ZNF652: variants seen among roughly 807,000 people sequenced by gnomAD.
ZNF652 encodes the protein zinc finger protein 652.
Under a neutral mutation model 45.2 loss-of-function variants are expected in ZNF652, and 16 were observed. The ratio of observed to expected loss-of-function variants is 0.35; its 90% CI spans 0.24 to 0.54. ZNF652 has a LOEUF of 0.54. Among genes scored for constraint, ZNF652 ranks in the 20% least tolerant of loss-of-function variants. ZNF652 has a pLI of 0.91. For synonymous variants in ZNF652, 250 were observed against 260.6 expected (o/e 0.96, Z 0.39); for missense variants, 614 against 765.6 (o/e 0.80, Z 2.34).
intron 1 of ZNF652, among the ~76,000 whole-genome samples, chr17:49,331,156 C>T (rs1283675028): frequency 2.9e-5 from 4 of 138,510 alleles, no homozygotes; most frequent in African/African-American, 1.1e-4. Context: ...GAGTCTCGCT[C>T]TGTCACCCAG....
rs767147792 is a variant in ZNF652 at position 49,298,869 on chromosome 17, G to A, written c.1365C>T (p.Asn455=). The A allele has an allele frequency of 6.2e-7, 1 of 1,613,620 alleles. No homozygotes were observed. Among genetic ancestry groups the A allele is most frequent in the Non-Finnish European group, 8.5e-7 (1 of 1,179,828 alleles). Residue 455 remains asparagine (N), a synonymous_variant, in exon 6 of 6, where the codon AAC becomes AAT. Transcript: ENST00000430262. Reference sequence around the variant, plus strand: ...TGTGAGTTCTGCGGTGTCTCTTCATGTTGGGGCGGCTGGTGAAGCTTTTGC... The same window carrying A: ...TGTGAGTTCTGCGGTGTCTCTTCATATTGGGGCGGCTGGTGAAGCTTTTGC... ...ICGKSFTSRP[N]MKRHRRTHTG... is the part of the protein sequence containing the mutation.
In ZNF652 at chr17:49,327,726, AATAAATATATATATATATAT is replaced by A. The variant is rs1567690275; in HGVS notation, c.-258-9763_-258-9744del. Reference sequence around the variant, plus strand: ...GAGACCTCGTGTCTACTTTTAAATAAATAAATATATATATATATATATATATATATATATATATATATATA... The same window carrying A: ...GAGACCTCGTGTCTACTTTTAAATAAATATATATATATATATATATATATA... On this transcript the variant is annotated intron_variant, in intron 1 of 5. Transcript: ENST00000430262. Among the ~76,000 whole-genome samples, 167 of 76,014 alleles carry A rather than the reference AATAAATATATATATATATAT, an allele frequency of 2.2e-3. 5 individuals are homozygous for A. The highest frequency in any genetic ancestry group is 3.0e-3 in the South Asian group (5 of 1,674). The allele number at this position is 76,014 out of a possible 152,430, so 49.9% of individuals were successfully genotyped here. A position where few individuals can be genotyped will look rare whatever the true frequency, so the allele number is the denominator to read the frequency against.
intron 1 of ZNF652, among the ~76,000 whole-genome samples, chr17:49,347,930 A>G (rs1001771755): frequency 6.6e-6 from 1 of 151,708 alleles, no homozygotes; most frequent in Admixed American, 6.6e-5. Context: ...TTTTTTGTAG[A>G]GATGGGGATC....
intron 2 of ZNF652, among the ~76,000 whole-genome samples, chr17:49,314,267 T>C (rs953767968): frequency 6.6e-6 from 1 of 151,730 alleles, no homozygotes; most frequent in Admixed American, 6.6e-5. Context: ...GTTCAAGCAA[T>C]TCTCCTGCCT....
At chr17:49,331,845 T>C (rs2070028403) in intron 1 of ZNF652, among the ~76,000 whole-genome samples, 1 of 152,190 alleles carries the variant, frequency 6.6e-6, no homozygotes, top group African/African-American at 2.4e-5. Flanking sequence ...AGTGCATGCC[T>C]GTAGTCCCAG....
rs1245282626 is a variant in ZNF652 at position 49,293,670 on chromosome 17, A to G, written c.*4743T>C. 5.0e-5 allele frequency among the ~76,000 whole-genome samples: 7 copies of G among 138,782 alleles called. No homozygotes were observed. The allele number at this position is 138,782 out of a possible 152,430, so 91.0% of individuals were successfully genotyped here. A position where few individuals can be genotyped will look rare whatever the true frequency, so the allele number is the denominator to read the frequency against. On this transcript the variant is annotated 3_prime_UTR_variant, in exon 6 of 6. Coordinates refer to ENST00000430262, the MANE Select transcript of ZNF652 (RefSeq NM_001145365.3). ...CTTTCATTCCTAAAAAAAAAAAAAAAAAAAAAAAAAAAAAACTCTTAAGTA... is the reference window on the plus strand; with the variant it reads ...CTTTCATTCCTAAAAAAAAAAAAAAGAAAAAAAAAAAAAAACTCTTAAGTA...
Position 49,293,795 on chromosome 17 carries a change from C to A in ZNF652, c.*4618G>T, listed in dbSNP as rs1293946752. 6.7e-6 allele frequency among the ~76,000 whole-genome samples: 1 copy of A among 150,016 alleles called. No homozygotes were observed. Among genetic ancestry groups the A allele is most frequent in the African/African-American group, 2.5e-5 (1 of 40,648 alleles). On this transcript the variant is annotated 3_prime_UTR_variant, in exon 6 of 6. Coordinates refer to ENST00000430262, the MANE Select transcript of ZNF652 (RefSeq NM_001145365.3). Reference sequence around the variant, plus strand: ...TCCAAATGAGTTGATTTTTTTAAAACAGTAATTAGCTGATACAATTCTTAA... The same window carrying A: ...TCCAAATGAGTTGATTTTTTTAAAAAAGTAATTAGCTGATACAATTCTTAA...
At position 49,362,030 on chromosome 17, in the gene ZNF652, CT is replaced by C. The variant is rs984696927; in HGVS notation, c.-381del. 20 of 149,834 alleles carry C rather than the reference CT, an allele frequency of 1.3e-4. No individual in the cohort carries two copies. The highest frequency in any genetic ancestry group is 8.3e-4 in the South Asian group (4 of 4,836). The allele number at this position is 149,834 out of a possible 1,614,324, so 9.3% of individuals were successfully genotyped here. A position where few individuals can be genotyped will look rare whatever the true frequency, so the allele number is the denominator to read the frequency against. On this transcript the variant is annotated 5_prime_UTR_variant, in exon 1 of 6. Transcript: ENST00000430262. ...GCCGGCTGGGCCAGCCCCTCCCCCC[CT>C]GCCCAACGTCTGTCCTCAGGGCCGC...
intron 1 of ZNF652, among the ~76,000 whole-genome samples, chr17:49,322,880 G>A (rs998314754): frequency 5.9e-5 from 9 of 152,124 alleles, no homozygotes; most frequent in African/African-American, 1.2e-4. Context: ...GCAAGACTCC[G>A]TCTCAATAAA....
intron 5 of ZNF652, among the ~76,000 whole-genome samples, chr17:49,309,091 G>C (rs1285852463): frequency 6.6e-6 from 1 of 152,002 alleles, no homozygotes; most frequent in African/African-American, 2.4e-5. Flanking sequence ...GGGATGCAGA[G>C]GCAGAGACTT....
In ZNF652 at chr17:49,317,355, T is replaced by C. The variant is rs759103373; in HGVS notation, c.371A>G (p.Asn124Ser). The change falls in exon 2 of 6, where the codon AAT (asparagine) becomes AGT (serine). Residue 124 changes from asparagine (N) to serine (S), a missense_variant. Around this residue, in one of 5 missense-constraint regions of ZNF652, gnomAD observed 6 missense variants for 22.9 expected, o/e 0.26. Coordinates refer to ENST00000430262, the MANE Select transcript of ZNF652 (RefSeq NM_001145365.3). Reference protein sequence around the residue: ...REQIIVEVNLNNQTLNVSKGE... With the variant: ...REQIIVEVNLSNQTLNVSKGE... Reference sequence around the variant, plus strand: ...TTTAGATACATTTAATGTTTGATTATTAAGGTTTACCTCCACTATGATCTG... The same window carrying C: ...TTTAGATACATTTAATGTTTGATTACTAAGGTTTACCTCCACTATGATCTG... 6.2e-6 allele frequency: 10 copies of C among 1,613,962 alleles called. No homozygotes were observed. The Admixed American group carries it at 1.7e-4, about 27-fold the overall frequency.
Position 49,293,061 on chromosome 17 carries a change from A to G in ZNF652, c.*5352T>C, listed in dbSNP as rs1198961132. On this transcript the variant is annotated 3_prime_UTR_variant, in exon 6 of 6. Transcript: ENST00000430262. ...ACATCAGAGGATTAGAGAGAGGTGC[A>G]TACTCATGTGTCTGTCATAAAGAAA... Among the ~76,000 whole-genome samples, 2 of 152,218 alleles carry G rather than the reference A, an allele frequency of 1.3e-5. No individual in the cohort carries two copies. Among genetic ancestry groups the G allele is most frequent in the Non-Finnish European group, 2.9e-5 (2 of 68,038 alleles).
chr17:49,347,183 G>T (rs896392053), intron 1 of ZNF652, among the ~76,000 whole-genome samples: 2 of 152,192 alleles, frequency 1.3e-5, no homozygotes, highest in African/African-American at 4.8e-5. Context: ...ATTCCTATCA[G>T]ATCTGTACCC....
chr17:49,310,263 C>T (rs2069691920), intron 5 of ZNF652, among the ~76,000 whole-genome samples: 1 of 152,108 alleles, frequency 6.6e-6, no homozygotes, highest in Non-Finnish European at 1.5e-5. Context: ...CTCTGTTGTT[C>T]TTTCTAGCTC....
At chr17:49,356,606 A>T (rs1205924325) in intron 1 of ZNF652, among the ~76,000 whole-genome samples, 1 of 152,110 alleles carries the variant, frequency 6.6e-6, no homozygotes, top group Non-Finnish European at 1.5e-5. Context: ...AGCCAAATTA[A>T]GTTTTTTAAA....
intron 1 of ZNF652, among the ~76,000 whole-genome samples, chr17:49,333,905 A>T (rs2070053699): frequency 6.6e-6 from 1 of 152,088 alleles, no homozygotes; most frequent in African/African-American, 2.4e-5. Flanking sequence ...ATGTGAAGAT[A>T]TTGGAAGCCT....
intron 1 of ZNF652, among the ~76,000 whole-genome samples, chr17:49,319,449 G>A (rs1194181702): frequency 1.3e-5 from 2 of 151,556 alleles, no homozygotes; most frequent in Non-Finnish European, 2.9e-5. Context: ...CCTGGCCAAC[G>A]TGGTGAAACC....
At chr17:49,332,605 A>G (rs955886986) in intron 1 of ZNF652, among the ~76,000 whole-genome samples, 16 of 152,316 alleles carry the variant, frequency 1.1e-4, no homozygotes, top group Non-Finnish European at 2.1e-4. Flanking sequence ...CCCAGGCTAA[A>G]AACTCTCATC....
intron 1 of ZNF652, among the ~76,000 whole-genome samples, chr17:49,351,480 CAG>C (rs1479924726): frequency 1.3e-5 from 2 of 151,876 alleles, no homozygotes; most frequent in Admixed American, 1.3e-4. Flanking sequence ...AATTATGATG[CAG>C]ATTTATAATA....
Sources: allele counts gnomAD v4.1 joint callset (sites outside exome capture counted in the v4.1 genomes callset), GRCh38; gene constraint gnomAD v4.1.1; regional missense constraint gnomAD v4.1.1; transcripts MANE v1.5; gene names NCBI Gene and HGNC (gene_info 2026-07-23, HGNC 2026-07-21).